The following RIMS1 variants were observed in gnomAD, a reference collection of about 807,000 sequenced individuals.
RIMS1 encodes the protein regulating synaptic membrane exocytosis protein 1.
Under a neutral mutation model 214.1 loss-of-function variants are expected in RIMS1, and 83 were observed. That is an observed-to-expected ratio of 0.39 (90% confidence interval 0.32 to 0.47). The LOEUF is 0.47. RIMS1 is among the 20% of genes least tolerant of loss of function. RIMS1 has a pLI of 0.99. For missense variants in RIMS1, 2,050 were observed against 2,161.8 expected (o/e 0.95, Z 1.03); for synonymous variants, 793 against 786.8 (o/e 1.01, Z -0.13).
chr6:71,976,248 CAGTGGGTATAAAGT>C (rs1435967933), intron 2 of RIMS1, among the ~76,000 whole-genome samples: 2 of 152,082 alleles, frequency 1.3e-5, no homozygotes, highest in East Asian at 3.8e-4. Flanking sequence ...ATGGACATCC[CAGTGGGTATAAAGT>C]AGTGTCTTAC....
intron 2 of RIMS1, among the ~76,000 whole-genome samples, chr6:71,990,381 T>C (rs777127159): frequency 7.2e-5 from 11 of 152,232 alleles, no homozygotes; most frequent in African/African-American, 2.7e-4. Context: ...GGCATAATTT[T>C]ATTTAAGATA....
intron 6 of RIMS1, among the ~76,000 whole-genome samples, chr6:72,230,711 G>A (rs944386183): frequency 6.6e-6 from 1 of 151,588 alleles, no homozygotes; most frequent in Non-Finnish European, 1.5e-5. Flanking sequence ...GAAAATGTAT[G>A]TGTAATTTAG....
intron 2 of RIMS1, among the ~76,000 whole-genome samples, chr6:71,972,591 T>C (rs928404709): frequency 6.6e-6 from 1 of 152,220 alleles, no homozygotes; most frequent in Non-Finnish European, 1.5e-5. Flanking sequence ...CACTCAGTCA[T>C]ATTTTAAGCA....
chr6:71,928,728 A>G (rs1330951998), intron 1 of RIMS1, among the ~76,000 whole-genome samples: 1 of 152,130 alleles, frequency 6.6e-6, no homozygotes, highest in Non-Finnish European at 1.5e-5. Context: ...TTGACTGCAT[A>G]TTAGATTTTA....
chr6:71,977,172 A>G (rs982299460), intron 2 of RIMS1, among the ~76,000 whole-genome samples: 4 of 152,064 alleles, frequency 2.6e-5, no homozygotes, highest in Admixed American at 6.6e-5. Context: ...TCTGGGAAAG[A>G]CCCTATAAAC....
In RIMS1 at chr6:72,242,451, A is replaced by G; in HGVS notation, c.2081+14A>G. ...AAGGCCTATTGGGTAAGGCTAAAAA[A>G]ACTTACTTCTTAAGTTTAGTAAATT... is the stretch of plus-strand genomic sequence containing the variant. On this transcript the variant is annotated intron_variant, in intron 10 of 33. Transcript: ENST00000521978. 1.3e-6 allele frequency: 2 copies of G among 1,526,820 alleles called. No homozygotes were observed. The highest frequency in any genetic ancestry group is 1.8e-6 in the Non-Finnish European group (2 of 1,134,704). 94.6% of individuals were successfully genotyped at this position (1,526,820 alleles called of 1,614,324 possible). A position where few individuals can be genotyped will look rare whatever the true frequency, so the allele number is the denominator to read the frequency against.
chr6:72,350,423 C>T (rs1457059348), intron 29 of RIMS1, among the ~76,000 whole-genome samples: 1 of 152,050 alleles, frequency 6.6e-6, no homozygotes, highest in African/African-American at 2.4e-5. Context: ...CTGCTGATGG[C>T]ACTGGAGGCA....
chr6:72,292,705 A>T (rs1175155907), intron 26 of RIMS1, among the ~76,000 whole-genome samples: 1 of 152,156 alleles, frequency 6.6e-6, no homozygotes, highest in Non-Finnish European at 1.5e-5. Context: ...AGTATTCTTC[A>T]TGTGACCCAA....
chr6:71,906,541 T>A (rs1775308486), intron 1 of RIMS1, among the ~76,000 whole-genome samples: 1 of 152,186 alleles, frequency 6.6e-6, no homozygotes, highest in South Asian at 2.1e-4. Flanking sequence ...AAGTTAACTA[T>A]TATTACAACT....
In RIMS1 at chr6:72,122,533, A is replaced by G. The variant is rs149041706; in HGVS notation, c.471+22547A>G. The stretch of plus-strand genomic sequence containing the variant: ...ATTCCCTCTTTTTCTATTTATTGGA[A>G]TAGTTTCAGAAGGAATGGTACCAGC... On this transcript the variant is annotated intron_variant, in intron 4 of 33. Coordinates refer to ENST00000521978, the MANE Select transcript of RIMS1 (RefSeq NM_014989.7). 2.6e-4 allele frequency among the ~76,000 whole-genome samples: 39 copies of G among 151,838 alleles called. 1 individual carries two copies. The East Asian group carries it at 7.3e-3, about 29-fold the overall frequency.
intron 28 of RIMS1, among the ~76,000 whole-genome samples, chr6:72,325,013 TTA>T (rs2154324969): frequency 6.6e-6 from 1 of 152,092 alleles, no homozygotes; most frequent in Non-Finnish European, 1.5e-5. Flanking sequence ...AGTTATATAT[TTA>T]GTTTCTTAAA....
chr6:72,320,794 C>T (rs1159162066), intron 28 of RIMS1, among the ~76,000 whole-genome samples: 1 of 151,860 alleles, frequency 6.6e-6, no homozygotes, highest in African/African-American at 2.4e-5. Context: ...TATATTATTT[C>T]CAAGCTCATT....
At chr6:72,333,889 C>A in intron 29 of RIMS1, 54 bp downstream of exon 29, 1 of 1,264,556 alleles carries the variant, frequency 7.9e-7, no homozygotes, top group Non-Finnish European at 1.1e-6. Context: ...GAGAGAAAAA[C>A]TTGATCTTCA....
intron 7 of RIMS1, 127 bp from the exon 8 acceptor site, chr6:72,235,491 T>C: frequency 3.4e-6 from 2 of 589,668 alleles, no homozygotes; most frequent in African/African-American, 1.9e-5. Context: ...TCCTGGCTTA[T>C]TTCACTTAAC....
At chr6:72,254,052 GACTGGATTTC>G (rs2074688343) in intron 16 of RIMS1, among the ~76,000 whole-genome samples, 1 of 152,026 alleles carries the variant, frequency 6.6e-6, no homozygotes, top group African/African-American at 2.4e-5. Context: ...TTTTAGTAGA[GACTGGATTTC>G]ACCGTGTTGG....
chr6:72,258,334 C>G, intron 17 of RIMS1, 53 bp downstream of exon 17: 1 of 1,465,812 alleles, frequency 6.8e-7, no homozygotes, highest in Non-Finnish European at 9.3e-7. Context: ...TATTATAATG[C>G]AGTGTAAATT....
chr6:72,392,683 T>C lies in RIMS1; in HGVS notation c.4506-15T>C. On this transcript the variant is annotated splice_polypyrimidine_tract_variant and intron_variant, in intron 30 of 33. Transcript: ENST00000521978. ...CATGGGTTTTTTCCTTTGGTTTTTA[T>C]CCTTTTGCTGATAGTTTAATATTTC... is the stretch of plus-strand genomic sequence containing the variant. 2.6e-6 allele frequency: 4 copies of C among 1,568,110 alleles called. No individual in the cohort carries two copies. The highest frequency in any genetic ancestry group is 3.5e-6 in the Non-Finnish European group (4 of 1,137,748).
At chr6:72,247,414 A>G (rs975276187) in intron 11 of RIMS1, among the ~76,000 whole-genome samples, 2 of 152,020 alleles carry the variant, frequency 1.3e-5, no homozygotes, top group African/African-American at 4.8e-5. Flanking sequence ...GCATGCCTGT[A>G]ATCCCAGCTA....
chr6:72,061,654 C>G (rs1827886396), intron 2 of RIMS1, among the ~76,000 whole-genome samples: 1 of 152,206 alleles, frequency 6.6e-6, no homozygotes, highest in Non-Finnish European at 1.5e-5. Context: ...TTCCCGGACC[C>G]TCCTCTAGTT....
Sources: gnomAD v4.1 joint callset for allele counts (sites outside exome capture counted in the v4.1 genomes callset) on GRCh38, gnomAD v4.1.1 for gene constraint, MANE v1.5 for transcripts, NCBI Gene and HGNC (gene_info 2026-07-23, HGNC 2026-07-21) for gene names.